Variants in TRPM8 observed in about 807,000 individuals in gnomAD.
TRPM8 encodes the protein transient receptor potential cation channel subfamily M member 8.
In TRPM8, 110 loss-of-function variants were observed where a neutral mutation model predicts 133.7. The ratio of observed to expected loss-of-function variants is 0.82; its 90% CI spans 0.70 to 0.96. TRPM8 has a LOEUF of 0.96. Ranked by LOEUF, TRPM8 falls within the 40% of genes least tolerant of loss-of-function variation. The pLI is 0.00. For synonymous variants in TRPM8, 535 were observed against 532.3 expected, an observed-to-expected ratio of 1.01 and a Z score of -0.07; for missense variants, 1,291 against 1,379.5, an observed-to-expected ratio of 0.94 and a Z score of 1.02.
intron 6 of TRPM8, among the ~76,000 whole-genome samples, chr2:233,943,748 T>C (rs1013702818): frequency 6.6e-6 from 1 of 152,186 alleles, no homozygotes; most frequent in Non-Finnish European, 1.5e-5. Flanking sequence ...ACATTTCTAG[T>C]AGTTGAGGAA....
chr2:233,991,526 G>C (rs893524669), intron 21 of TRPM8, among the ~76,000 whole-genome samples: 1 of 152,312 alleles, frequency 6.6e-6, no homozygotes, highest in African/African-American at 2.4e-5. Context: ...GGGAAGGAGC[G>C]ACAAAGGAAA....
At chr2:233,962,622 G>T (rs1447295908) in intron 12 of TRPM8, among the ~76,000 whole-genome samples, 1 of 152,152 alleles carries the variant, frequency 6.6e-6, no homozygotes, top group Non-Finnish European at 1.5e-5. Context: ...GGTATTTGCA[G>T]GAATTGGAAG....
At chr2:233,961,794 T>C (rs1691445918) in intron 12 of TRPM8, among the ~76,000 whole-genome samples, 1 of 151,752 alleles carries the variant, frequency 6.6e-6, no homozygotes, top group South Asian at 2.1e-4. Context: ...CATACCTGGC[T>C]AATTTTTGTA....
chr2:233,950,582 C>T (rs1188902485), intron 9 of TRPM8, among the ~76,000 whole-genome samples: 1 of 152,176 alleles, frequency 6.6e-6, no homozygotes, highest in East Asian at 1.9e-4. Context: ...AACAGATAAG[C>T]CCACCCTGAC....
chr2:233,967,649 G>A (rs1691608585), intron 15 of TRPM8, among the ~76,000 whole-genome samples: 3 of 152,194 alleles, frequency 2.0e-5, no homozygotes, highest in South Asian at 4.1e-4. Flanking sequence ...AGATGTTTAC[G>A]AACAAAACCC....
chr2:233,995,172 C>T (rs1460646776), intron 21 of TRPM8, among the ~76,000 whole-genome samples: 2 of 152,162 alleles, frequency 1.3e-5, no homozygotes, highest in African/African-American at 4.8e-5. Context: ...AATTCACTTA[C>T]CTTTGTTGTG....
chr2:233,942,611 C>G lies in TRPM8; in HGVS notation c.562C>G (p.Leu188Val), dbSNP rs1690937142. 1.2e-6 allele frequency: 2 copies of G among 1,614,210 alleles called. No individual in the cohort carries two copies. The highest frequency in any genetic ancestry group is 8.5e-7 in the Non-Finnish European group (1 of 1,180,036). The stretch of plus-strand genomic sequence containing the variant: ...TCTCACGGGAGGCACCCATTATGGC[C>G]TGATGAAGTACATCGGGGAGGTGGT... Reference protein sequence around the residue: ...WILTGGTHYGLMKYIGEVVRD... With the variant: ...WILTGGTHYGVMKYIGEVVRD... Residue 188 changes from leucine to valine, a missense_variant, in exon 6 of 26, where the codon CTG becomes GTG. Leu to Val is a conservative substitution (Grantham distance 32, BLOSUM62 1). Around this residue, in one of 2 missense-constraint regions of TRPM8, gnomAD observed 963 missense variants for 968.9 expected, o/e 0.99. Transcript: ENST00000324695.
intron 3 of TRPM8, among the ~76,000 whole-genome samples, chr2:233,931,851 C>T (rs1051268406): frequency 4.6e-5 from 7 of 152,192 alleles, no homozygotes; most frequent in African/African-American, 1.7e-4. Flanking sequence ...ATGAATGGGA[C>T]TTACATACTG....
chr2:233,982,211 G>A (rs1692027512), intron 19 of TRPM8, among the ~76,000 whole-genome samples: 1 of 152,238 alleles, frequency 6.6e-6, no homozygotes, highest in Non-Finnish European at 1.5e-5. Context: ...AAGAGTGTAG[G>A]CAGGGGAGGG....
intron 5 of TRPM8, among the ~76,000 whole-genome samples, chr2:233,941,729 T>G (rs1011281946): frequency 2.0e-5 from 3 of 151,986 alleles, no homozygotes; most frequent in African/African-American, 7.2e-5. Context: ...TTGTTGTACT[T>G]TGCTGCCCCC....
At chr2:233,922,538 G>GAA (rs199623518) in intron 1 of TRPM8, among the ~76,000 whole-genome samples, 1 of 151,538 alleles carries the variant, frequency 6.6e-6, no homozygotes, top group Non-Finnish European at 1.5e-5. Flanking sequence ...CATTTAAACT[G>GAA]AAAAAAAACC....
At chr2:233,967,542 C>T (rs1043842627) in intron 15 of TRPM8, among the ~76,000 whole-genome samples, 6 of 152,202 alleles carry the variant, frequency 3.9e-5, no homozygotes, top group Admixed American at 2.0e-4. Flanking sequence ...AATGTCCTTC[C>T]AGCTTGCACT....
At chr2:233,977,489 G>C (rs1691899277) in intron 17 of TRPM8, among the ~76,000 whole-genome samples, 1 of 152,328 alleles carries the variant, frequency 6.6e-6, no homozygotes, top group Admixed American at 6.5e-5. Context: ...GCTGAGGTTG[G>C]GCTGGGGCAG....
intron 5 of TRPM8, among the ~76,000 whole-genome samples, chr2:233,940,184 T>G (rs748327269): frequency 6.6e-6 from 1 of 152,148 alleles, no homozygotes; most frequent in Non-Finnish European, 1.5e-5. Flanking sequence ...TTCTCGTGAT[T>G]AGATTCAGTT....
intron 22 of TRPM8, 103 bp from the exon 23 acceptor site, chr2:234,006,750 A>G: frequency 1.2e-6 from 1 of 803,216 alleles, no homozygotes; most frequent in Non-Finnish European, 2.0e-6. Context: ...GACGAATCTC[A>G]TTCTTAGTTC....
At chr2:233,921,130 G>A (rs2017655) in intron 1 of TRPM8, among the ~76,000 whole-genome samples, 37,242 of 151,924 alleles carry the variant, frequency 0.25, 7,735 homozygotes, top group African/African-American at 0.55. Flanking sequence ...CAAAGTGCTC[G>A]GATTACAGGC....
intron 20 of TRPM8, chr2:233,983,444 C>T (rs1004390679): frequency 8.8e-5 from 49 of 556,564 alleles, no homozygotes; most frequent in Non-Finnish European, 1.4e-4. Flanking sequence ...ATTTTTAAAC[C>T]TTTTTAAAAA....
intron 3 of TRPM8, among the ~76,000 whole-genome samples, chr2:233,932,164 A>G (rs986600416): frequency 2.6e-5 from 4 of 152,198 alleles, no homozygotes; most frequent in African/African-American, 9.7e-5. Context: ...TGATAATGGG[A>G]TCTTGTGGCT....
chr2:233,953,734 C>T (rs28948669), intron 9 of TRPM8, 183 bp from the exon 10 acceptor site: 412 of 454,460 alleles, frequency 9.1e-4, no homozygotes, highest in Non-Finnish European at 1.4e-3. Context: ...CTTTTTGATA[C>T]GTGTATAACC....
Sources: allele counts gnomAD v4.1 joint callset (sites outside exome capture counted in the v4.1 genomes callset), GRCh38; gene constraint gnomAD v4.1.1; regional missense constraint gnomAD v4.1.1; transcripts MANE v1.5; gene names NCBI Gene and HGNC (gene_info 2026-07-23, HGNC 2026-07-21).